MOSMO: variants seen among roughly 807,000 people sequenced by gnomAD.
The protein encoded by MOSMO is modulator of smoothened protein.
In MOSMO, 5 loss-of-function variants were observed where a neutral mutation model predicts 18.4. That is an observed-to-expected ratio of 0.27 (90% CI 0.14 to 0.57). The LOEUF is 0.57. Ranked by LOEUF, MOSMO falls within the 20% of genes least tolerant of loss-of-function variation. MOSMO has a pLI of 0.92. For synonymous variants in MOSMO, 82 were observed against 82.3 expected (o/e 1.00, Z 0.02); for missense variants, 138 against 211.8 (o/e 0.65, Z 2.16).
At chr16:22,040,787 T>C (rs547976208) in intron 1 of MOSMO, among the ~76,000 whole-genome samples, 3 of 152,124 alleles carry the variant, frequency 2.0e-5, no homozygotes, top group East Asian at 3.9e-4. Context: ...GCCCTAGAGA[T>C]AGGCAAGCAG....
At chr16:22,071,265 A>G (rs983294737) in intron 1 of MOSMO, among the ~76,000 whole-genome samples, 13 of 152,200 alleles carry the variant, frequency 8.5e-5, no homozygotes, top group African/African-American at 2.7e-4. Context: ...CGGAGGAGGA[A>G]AACGTAACAG....
At chr16:22,010,918 C>A (rs772201077) in intron 1 of MOSMO, among the ~76,000 whole-genome samples, 3 of 145,748 alleles carry the variant, frequency 2.1e-5, no homozygotes, top group South Asian at 2.2e-4. Context: ...GGTACTCCGT[C>A]TTAAAAAGAA....
At chr16:22,040,426 C>A (rs1425864832) in intron 1 of MOSMO, among the ~76,000 whole-genome samples, 1 of 152,032 alleles carries the variant, frequency 6.6e-6, no homozygotes, top group Non-Finnish European at 1.5e-5. Context: ...TTAAAAATTA[C>A]AAAGAAGGAT....
At position 22,081,381 on chromosome 16, in the gene MOSMO, G is replaced by C. The variant is rs1038546896; in HGVS notation, c.*501G>C. Reference sequence around the variant, plus strand: ...TCACAACTTCCTTGTAATAGTATGAGCCTTTGGCACCAGAATGGATTGCCG... The same window carrying C: ...TCACAACTTCCTTGTAATAGTATGACCCTTTGGCACCAGAATGGATTGCCG... On this transcript the variant is annotated 3_prime_UTR_variant, in exon 3 of 3. Transcript: ENST00000542527. 4.0e-5 allele frequency: 6 copies of C among 151,658 alleles called. No homozygotes were observed. The highest frequency in any genetic ancestry group is 1.5e-4 in the African/African-American group (6 of 41,286). 9.4% of individuals were successfully genotyped at this position (151,658 alleles called of 1,614,324 possible).
At chr16:22,031,986 G>T (rs868652185) in intron 1 of MOSMO, among the ~76,000 whole-genome samples, 1 of 152,074 alleles carries the variant, frequency 6.6e-6, no homozygotes, top group East Asian at 1.9e-4. Flanking sequence ...GTATAGGAGG[G>T]TTCCAGTTTC....
rs575197660 is a variant in MOSMO, at chr16:22,070,406, T to C, written c.107-5081T>C. On this transcript the variant is annotated intron_variant, in intron 1 of 2. Coordinates refer to ENST00000542527, the MANE Select transcript of MOSMO (RefSeq NM_001164579.2). ...TTTGCCAGGTGGGTGCATGAAAAGA[T>C]AAAAGGTGGTAACATAATGGATCAA... Among the ~76,000 whole-genome samples the C allele has an allele frequency of 2.0e-5, 3 of 152,222 alleles. No homozygotes were observed. The East Asian group carries it at 5.8e-4, about 29-fold the overall frequency.
downstream of MOSMO, chr16:22,090,179 GA>G (rs1901272035): frequency 6.6e-6 from 1 of 152,176 alleles, no homozygotes; most frequent in South Asian, 2.1e-4. Context: ...AAGTTGTAAG[GA>G]AAAGTTTGGT....
rs891527801 is a variant in MOSMO at position 22,084,048 on chromosome 16, C to T, written c.*3168C>T. ...CCCTTTTGCCTAAAGCTTTGATATC[C>T]CCACTTGATGTTCTGTGAATTCACT... On this transcript the variant is annotated 3_prime_UTR_variant, in exon 3 of 3. Transcript: ENST00000542527. 4.7e-6 allele frequency: 1 copy of T among 212,368 alleles called. No individual in the cohort carries two copies. The highest frequency in any genetic ancestry group is 2.4e-5 in the African/African-American group (1 of 41,920). 13.2% of individuals were successfully genotyped at this position (212,368 alleles called of 1,614,324 possible).
chr16:22,089,517 A>G (rs1901252033), downstream of MOSMO, among the ~76,000 whole-genome samples: 2 of 152,010 alleles, frequency 1.3e-5, no homozygotes. Flanking sequence ...TTAAAACTCA[A>G]CTGGATCCCT....
intron 1 of MOSMO, among the ~76,000 whole-genome samples, chr16:22,065,424 A>T (rs1019269093): frequency 6.6e-6 from 1 of 152,078 alleles, no homozygotes; most frequent in African/African-American, 2.4e-5. Flanking sequence ...CAGAGCTTCT[A>T]TTTCAGCAAG....
intron 1 of MOSMO, among the ~76,000 whole-genome samples, chr16:22,068,853 T>G (rs938099719): frequency 6.6e-6 from 1 of 152,240 alleles, no homozygotes; most frequent in Non-Finnish European, 1.5e-5. Context: ...TGTAAAGATA[T>G]GTAGTCTCTT....
intron 1 of MOSMO, among the ~76,000 whole-genome samples, chr16:22,057,605 A>G (rs902731737): frequency 5.9e-5 from 9 of 152,230 alleles, no homozygotes; most frequent in African/African-American, 2.2e-4. Context: ...CAGACATTAT[A>G]TGTCAGGAAC....
At chr16:22,085,405 C>G (rs957504939), downstream of MOSMO, 1 of 152,128 alleles carries the variant, frequency 6.6e-6, no homozygotes, top group African/African-American at 2.4e-5. Context: ...TTCACATCAT[C>G]TAAATCTTCT....
intron 1 of MOSMO, among the ~76,000 whole-genome samples, chr16:22,016,197 CT>C (rs1428756267): frequency 6.6e-6 from 1 of 152,002 alleles, no homozygotes; most frequent in Non-Finnish European, 1.5e-5. Context: ...TTTTTATTAG[CT>C]TTATGATTTG....
rs1567517487 is a variant in MOSMO at position 22,083,847 on chromosome 16, T to G, written c.*2967T>G. 1 of 354,534 alleles carries G rather than the reference T, an allele frequency of 2.8e-6. No individual in the cohort carries two copies. The highest frequency in any genetic ancestry group is 5.4e-6 in the Non-Finnish European group (1 of 184,588). 22.0% of individuals were successfully genotyped at this position (354,534 alleles called of 1,614,324 possible). On this transcript the variant is annotated 3_prime_UTR_variant, in exon 3 of 3. Coordinates refer to ENST00000542527, the MANE Select transcript of MOSMO (RefSeq NM_001164579.2). The stretch of plus-strand genomic sequence containing the variant: ...TCTTCAATTTATTAAAAGCAAACAT[T>G]TCAGTATGATTCTTTCCAAAGGTAA...
chr16:22,069,409 A>G (rs1191353771), intron 1 of MOSMO, among the ~76,000 whole-genome samples: 1 of 152,206 alleles, frequency 6.6e-6, no homozygotes, highest in Non-Finnish European at 1.5e-5. Context: ...TGGATTTAGG[A>G]CAGAGAGTCA....
chr16:22,076,856 A>G (rs1006533404), intron 2 of MOSMO, among the ~76,000 whole-genome samples: 1 of 152,092 alleles, frequency 6.6e-6, no homozygotes, highest in African/African-American at 2.4e-5. Context: ...GTTTATCTAT[A>G]TTGCCCTTAA....
chr16:22,024,760 A>G (rs1288426818), intron 1 of MOSMO, among the ~76,000 whole-genome samples: 2 of 152,170 alleles, frequency 1.3e-5, no homozygotes, highest in African/African-American at 4.8e-5. Flanking sequence ...TATGGCTCCT[A>G]TTTATGGCAG....
At chr16:22,016,907 T>G (rs1334646320) in intron 1 of MOSMO, among the ~76,000 whole-genome samples, 1 of 152,222 alleles carries the variant, frequency 6.6e-6, no homozygotes, top group Non-Finnish European at 1.5e-5. Context: ...GAGGTTAGTT[T>G]TAAAGGAATT....
Sources: allele counts gnomAD v4.1 joint callset (sites outside exome capture counted in the v4.1 genomes callset), GRCh38; gene constraint gnomAD v4.1.1; transcripts MANE v1.5; gene names NCBI Gene and HGNC (gene_info 2026-07-23, HGNC 2026-07-21).